The following SDCCAG8 variants were observed in gnomAD, a reference collection of about 807,000 sequenced individuals.
SDCCAG8 encodes the protein SHH signaling and ciliogenesis regulator SDCCAG8.
A neutral mutation model predicts 101.8 loss-of-function variants in SDCCAG8; 74 were observed. That is an observed-to-expected ratio of 0.73 (90% confidence interval 0.60 to 0.88). The LOEUF (loss-of-function observed/expected upper bound fraction) is 0.88. Among genes scored for constraint, SDCCAG8 ranks in the 40% least tolerant of loss-of-function variants. SDCCAG8 has a pLI of 0.00. For synonymous variants in SDCCAG8, 281 were observed against 292.9 expected (o/e 0.96, Z 0.41); for missense variants, 787 against 822.6 (o/e 0.96, Z 0.53).
chr1:243,497,343 G>T (rs1422032967), intron 17 of SDCCAG8, among the ~76,000 whole-genome samples: 1 of 146,380 alleles, frequency 6.8e-6, no homozygotes, highest in South Asian at 2.2e-4. Context: ...CGGGTGGGGG[G>T]GGGGGCGTTG....
At chr1:243,492,286 G>A (rs1195422056) in intron 17 of SDCCAG8, among the ~76,000 whole-genome samples, 4 of 125,018 alleles carry the variant, frequency 3.2e-5, no homozygotes, top group Admixed American at 9.1e-5. Flanking sequence ...CTCTCGGCTC[G>A]TTTCTTGGCT....
intron 16 of SDCCAG8, among the ~76,000 whole-genome samples, chr1:243,477,250 A>G (rs1428633917): frequency 6.6e-6 from 1 of 152,168 alleles, no homozygotes; most frequent in Admixed American, 6.5e-5. Context: ...GTGCTTCTGT[A>G]TGGCCTTGAG....
intron 10 of SDCCAG8, among the ~76,000 whole-genome samples, chr1:243,338,374 A>G (rs2075155297): frequency 6.6e-6 from 1 of 152,004 alleles, no homozygotes; most frequent in Non-Finnish European, 1.5e-5. Flanking sequence ...TGTGAAACGT[A>G]TAGATTTTCT....
rs866516743 is a variant in SDCCAG8, at chr1:243,489,261, G to A, written c.2112+121G>A. The A allele has an allele frequency of 1.9e-5, 26 of 1,348,102 alleles. No individual in the cohort carries two copies. In the Middle Eastern group the frequency reaches 7.7e-4, roughly 40 times the overall value. 83.5% of individuals were successfully genotyped at this position (1,348,102 alleles called of 1,614,324 possible). On this transcript the variant is annotated intron_variant, in intron 17 of 17. Coordinates refer to ENST00000366541, the MANE Select transcript of SDCCAG8 (RefSeq NM_006642.5). ...ACATCGGTTAGCAGTAAGCTGGGAG[G>A]GAGGTCCCGAAGACTGTGCTGGGCA...
intron 16 of SDCCAG8, among the ~76,000 whole-genome samples, chr1:243,452,962 C>G (rs761436966): frequency 6.6e-6 from 1 of 152,158 alleles, no homozygotes; most frequent in Admixed American, 6.5e-5. Flanking sequence ...GTGAGTGCCA[C>G]GAGGCAAGGA....
intron 12 of SDCCAG8, among the ~76,000 whole-genome samples, chr1:243,344,998 G>A (rs766905789): frequency 6.6e-6 from 1 of 152,084 alleles, no homozygotes; most frequent in Admixed American, 6.6e-5. Context: ...CTATTTTTAT[G>A]TTACAGTACA....
At chr1:243,316,024 T>C (rs2073201268) in intron 8 of SDCCAG8, among the ~76,000 whole-genome samples, 1 of 152,258 alleles carries the variant, frequency 6.6e-6, no homozygotes, top group Non-Finnish European at 1.5e-5. Context: ...GTATCCTTGC[T>C]ATTTTACATG....
At chr1:243,281,316 G>A (rs1271803557) in intron 4 of SDCCAG8, among the ~76,000 whole-genome samples, 1 of 129,648 alleles carries the variant, frequency 7.7e-6, no homozygotes, top group Non-Finnish European at 1.6e-5. Flanking sequence ...TTTTTTTTTG[G>A]TTAGAGATGG....
chr1:243,313,842 G>A (rs1181103376), intron 8 of SDCCAG8, among the ~76,000 whole-genome samples: 1 of 152,182 alleles, frequency 6.6e-6, no homozygotes, highest in Non-Finnish European at 1.5e-5. Context: ...ACCCTGGGTG[G>A]CTGGAATCGG....
intron 17 of SDCCAG8, among the ~76,000 whole-genome samples, chr1:243,490,135 C>G (rs1666035372): frequency 6.6e-6 from 1 of 152,224 alleles, no homozygotes; most frequent in East Asian, 1.9e-4. Flanking sequence ...TCTCATTCTC[C>G]TCACAAAATG....
intron 16 of SDCCAG8, among the ~76,000 whole-genome samples, chr1:243,487,082 GAAAAGAGCTGT>G (rs1038103446): frequency 6.6e-6 from 1 of 152,212 alleles, no homozygotes; most frequent in Admixed American, 6.5e-5. Flanking sequence ...GCTTCTCAAG[GAAAAGAGCTGT>G]TACCATCTCT....
At chr1:243,342,861 T>C (rs529417114) in intron 11 of SDCCAG8, among the ~76,000 whole-genome samples, 1 of 152,224 alleles carries the variant, frequency 6.6e-6, no homozygotes, top group Admixed American at 6.5e-5. Context: ...TTCTGAGGGC[T>C]ACTAGGGAGA....
chr1:243,462,580 T>C (rs1659338114), intron 16 of SDCCAG8, among the ~76,000 whole-genome samples: 2 of 152,338 alleles, frequency 1.3e-5, no homozygotes, highest in African/African-American at 4.8e-5. Context: ...AAGAAGACAT[T>C]GTAGGTGCTC....
chr1:243,435,350 T>C lies in SDCCAG8; in HGVS notation c.1985+8792T>C, dbSNP rs563338371. On this transcript the variant is annotated intron_variant, in intron 16 of 17. Coordinates refer to ENST00000366541, the MANE Select transcript of SDCCAG8 (RefSeq NM_006642.5). Reference sequence around the variant, plus strand: ...GATCTCCAAAATGCTACCTTGTAGGTTGTGAAAACTGCCTAAAATAATCCA... The same window carrying C: ...GATCTCCAAAATGCTACCTTGTAGGCTGTGAAAACTGCCTAAAATAATCCA... Among the ~76,000 whole-genome samples the C allele has an allele frequency of 9.8e-5, 15 of 152,310 alleles. No individual in the cohort carries two copies. The South Asian group carries it at 3.1e-3, about 32-fold the overall frequency.
At chr1:243,451,547 T>C (rs1271379452) in intron 16 of SDCCAG8, among the ~76,000 whole-genome samples, 5 of 152,204 alleles carry the variant, frequency 3.3e-5, no homozygotes, top group Admixed American at 6.5e-5. Flanking sequence ...ACTCTTGTCT[T>C]AAATGGACAT....
intron 13 of SDCCAG8, among the ~76,000 whole-genome samples, chr1:243,380,560 T>G (rs1009909049): frequency 2.0e-5 from 3 of 152,212 alleles, no homozygotes; most frequent in Non-Finnish European, 4.4e-5. Flanking sequence ...ATTTATAGTG[T>G]TTGACAAGAT....
chr1:243,425,898 A>G (rs2081309040), intron 15 of SDCCAG8, among the ~76,000 whole-genome samples: 1 of 152,212 alleles, frequency 6.6e-6, no homozygotes, highest in East Asian at 1.9e-4. Context: ...TGTTAATATC[A>G]TCTAAAAAGC....
At chr1:243,461,975 C>T (rs1659209894) in intron 16 of SDCCAG8, among the ~76,000 whole-genome samples, 1 of 152,156 alleles carries the variant, frequency 6.6e-6, no homozygotes, top group Non-Finnish European at 1.5e-5. Context: ...CCACTGTGAT[C>T]AGAGCTCATA....
At chr1:243,322,544 G>C (rs1466487590) in intron 9 of SDCCAG8, among the ~76,000 whole-genome samples, 1 of 152,184 alleles carries the variant, frequency 6.6e-6, no homozygotes, top group Non-Finnish European at 1.5e-5. Flanking sequence ...GTCTGCACTA[G>C]TCCCTTGGTT....
Sources: allele counts gnomAD v4.1 joint callset (sites outside exome capture counted in the v4.1 genomes callset), GRCh38; gene constraint gnomAD v4.1.1; transcripts MANE v1.5; gene names NCBI Gene and HGNC (gene_info 2026-07-23, HGNC 2026-07-21).